DPP6: variants seen among roughly 807,000 people sequenced by gnomAD.
The protein encoded by DPP6 is A-type potassium channel modulatory protein DPP6.
Under a neutral mutation model 122.6 loss-of-function variants are expected in DPP6, and 69 were observed. The observed-to-expected ratio is 0.56, with a 90% CI of 0.46 to 0.69. DPP6 has a LOEUF of 0.69. Ranked by LOEUF, DPP6 falls within the 30% of genes least tolerant of loss-of-function variation. DPP6 has a pLI of 0.00. For synonymous variants in DPP6, 418 were observed against 433.1 expected, an observed-to-expected ratio of 0.97 and a Z score of 0.43; for missense variants, 928 against 1,116.9, an observed-to-expected ratio of 0.83 and a Z score of 2.41.
intron 2 of DPP6, among the ~76,000 whole-genome samples, chr7:154,468,280 A>C (rs1821963376): frequency 6.6e-6 from 1 of 152,240 alleles, no homozygotes; most frequent in African/African-American, 2.4e-5. Flanking sequence ...AGACAGAAAG[A>C]AGATTTTTGG....
rs139233313 is a variant in DPP6 at position 154,336,426 on chromosome 7, C to T, written c.244-109788C>T. 4.2e-4 allele frequency among the ~76,000 whole-genome samples: 64 copies of T among 152,196 alleles called. No individual in the cohort carries two copies. In the South Asian group the frequency reaches 0.012, roughly 28 times the overall value. On this transcript the variant is annotated intron_variant, in intron 1 of 25. Transcript: ENST00000377770. Reference sequence around the variant, plus strand: ...GAGGAGTGGTGATAGCAGCAGGTGCCGTGGCCACTGGGCAGGCGGGGTATG... The same window carrying T: ...GAGGAGTGGTGATAGCAGCAGGTGCTGTGGCCACTGGGCAGGCGGGGTATG...
At chr7:154,162,938 C>A (rs11770350) in intron 1 of DPP6, among the ~76,000 whole-genome samples, 43 of 151,040 alleles carry the variant, frequency 2.8e-4, no homozygotes, top group African/African-American at 9.8e-4. Context: ...GAATGTATGC[C>A]TTGCTAGCAT....
At chr7:154,665,096 C>T (rs1313905281) in intron 6 of DPP6, among the ~76,000 whole-genome samples, 1 of 152,192 alleles carries the variant, frequency 6.6e-6, no homozygotes, top group Admixed American at 6.5e-5. Flanking sequence ...CATGACCTTG[C>T]ACTTTTGAGG....
intron 3 of DPP6, among the ~76,000 whole-genome samples, chr7:154,512,252 G>A (rs1826146203): frequency 6.6e-6 from 1 of 152,066 alleles, no homozygotes. Context: ...CGTATATAAT[G>A]GCTTTCAGAT....
chr7:154,197,469 G>A (rs1249853877), intron 1 of DPP6, among the ~76,000 whole-genome samples: 2 of 152,080 alleles, frequency 1.3e-5, no homozygotes, highest in Admixed American at 1.3e-4. Flanking sequence ...CAAATATTCA[G>A]GTAGAAGACC....
intron 3 of DPP6, among the ~76,000 whole-genome samples, chr7:154,493,553 T>C (rs1297989475): frequency 6.6e-6 from 1 of 152,220 alleles, no homozygotes; most frequent in Non-Finnish European, 1.5e-5. Flanking sequence ...ATTTTTATGT[T>C]TTGAATGCCT....
At chr7:154,749,290 G>A (rs1335356896) in intron 8 of DPP6, among the ~76,000 whole-genome samples, 2 of 140,656 alleles carry the variant, frequency 1.4e-5, no homozygotes, top group African/African-American at 5.3e-5. Context: ...GAGGGAGAGG[G>A]ATGGCGGCTT....
chr7:154,043,196 T>C (rs536859620), intron 1 of DPP6, among the ~76,000 whole-genome samples: 62 of 152,114 alleles, frequency 4.1e-4, no homozygotes, highest in African/African-American at 1.5e-3. Flanking sequence ...GAGACCAACC[T>C]GACCAACATC....
the DPP6 span, among the ~76,000 whole-genome samples, chr7:153,866,453 C>T: frequency 9.2e-5 from 14 of 152,148 alleles, no homozygotes; most frequent in East Asian, 2.1e-3. Context: ...AATGTCTTCT[C>T]TTGAGAAGTG....
intron 21 of DPP6, among the ~76,000 whole-genome samples, chr7:154,883,039 TCA>T (rs1202434575): frequency 1.5e-5 from 2 of 130,476 alleles, no homozygotes; most frequent in Admixed American, 7.3e-5. Flanking sequence ...ATACACATGC[TCA>T]CACACACATG....
chr7:154,595,195 C>T (rs963254675), intron 5 of DPP6, among the ~76,000 whole-genome samples: 4 of 152,154 alleles, frequency 2.6e-5, no homozygotes, highest in African/African-American at 9.7e-5. Context: ...TCTTCCCCTT[C>T]TCCGTTGCCA....
chr7:153,845,670 A>G, the DPP6 span, among the ~76,000 whole-genome samples: 11 of 152,098 alleles, frequency 7.2e-5, no homozygotes, highest in South Asian at 2.1e-3. Flanking sequence ...CTTTTGCTTT[A>G]CTTTATAAAC....
chr7:154,675,512 C>T (rs1482284183), intron 7 of DPP6, among the ~76,000 whole-genome samples: 2 of 152,198 alleles, frequency 1.3e-5, no homozygotes, highest in Non-Finnish European at 2.9e-5. Context: ...GCCATGGTCA[C>T]AAGCTAGCTT....
intron 16 of DPP6, among the ~76,000 whole-genome samples, chr7:154,853,079 T>C (rs1003640591): frequency 6.6e-6 from 1 of 152,124 alleles, no homozygotes; most frequent in African/African-American, 2.4e-5. Flanking sequence ...TCTTAATGTT[T>C]TCAAAAAGAT....
intron 1 of DPP6, among the ~76,000 whole-genome samples, chr7:153,994,601 C>T (rs1460284853): frequency 1.3e-5 from 2 of 152,138 alleles, no homozygotes; most frequent in Non-Finnish European, 2.9e-5. Flanking sequence ...GAACATCTGC[C>T]AGAAAGAAGT....
rs1269203453 is a variant in DPP6 at position 154,241,209 on chromosome 7, GTGTGTGTGTGTA to G, written c.243+188148_243+188159del. ...TATGTGTGTGTGTGTGTGTGTGTGT[GTGTGTGTGTGTA>G]TATATATATAGAGAGAGAGAGAGAC... On this transcript the variant is annotated intron_variant, in intron 1 of 25. Coordinates refer to ENST00000377770, the MANE Select transcript of DPP6 (RefSeq NM_130797.4). The surrounding 1 kb of genome is among the most constrained non-coding windows in gnomAD (Gnocchi z 9.0). Among the ~76,000 whole-genome samples the G allele has an allele frequency of 6.7e-6, 1 of 149,726 alleles. No homozygotes were observed. Among genetic ancestry groups the G allele is most frequent in the African/African-American group, 2.5e-5 (1 of 39,424 alleles).
chr7:154,655,608 C>G lies in DPP6; in HGVS notation c.681-13752C>G, dbSNP rs368356558. Among the ~76,000 whole-genome samples, 16 of 152,306 alleles carry G rather than the reference C, an allele frequency of 1.1e-4. 1 individual carries two copies. The South Asian group carries it at 3.3e-3, about 32-fold the overall frequency. On this transcript the variant is annotated intron_variant, in intron 6 of 25. Transcript: ENST00000377770. ...TCTCTTTCTCTCTGCCTGTCTTCCT[C>G]TCTGTCACACACACACCTCTAAGAA...
At chr7:153,958,037 G>A (rs896386028) in intron 1 of DPP6, among the ~76,000 whole-genome samples, 12 of 152,208 alleles carry the variant, frequency 7.9e-5, no homozygotes, top group East Asian at 1.9e-4. Flanking sequence ...GGTGGTGGGC[G>A]TCTGTAATCC....
At chr7:154,685,010 C>T (rs1839512731) in intron 7 of DPP6, among the ~76,000 whole-genome samples, 1 of 152,172 alleles carries the variant, frequency 6.6e-6, no homozygotes, top group Non-Finnish European at 1.5e-5. Flanking sequence ...ATAAATTAAT[C>T]AGTCAATGGA....
Sources: allele counts gnomAD v4.1 joint callset (sites outside exome capture counted in the v4.1 genomes callset), GRCh38; gene constraint gnomAD v4.1.1; non-coding constraint Gnocchi (gnomAD v3.1); transcripts MANE v1.5; gene names NCBI Gene and HGNC (gene_info 2026-07-23, HGNC 2026-07-21).